NCALD: variants seen among roughly 807,000 people sequenced by gnomAD.
NCALD encodes the protein neurocalcin delta.
NCALD carries 10 observed loss-of-function variants against 18.6 expected under a neutral mutation model. The ratio of observed to expected loss-of-function variants is 0.54; its 90% CI spans 0.33 to 0.91. NCALD has a LOEUF of 0.91. NCALD is among the 40% of genes least tolerant of loss of function. The pLI, the probability that NCALD is intolerant of heterozygous loss-of-function variation, is 0.03. For missense variants in NCALD, 184 were observed against 247.6 expected (o/e 0.74, Z 1.72); for synonymous variants, 88 against 87.4 (o/e 1.01, Z -0.04).
intron 1 of NCALD, among the ~76,000 whole-genome samples, chr8:102,120,442 C>T (rs1426835918): frequency 1.3e-5 from 2 of 152,170 alleles, no homozygotes; most frequent in African/African-American, 4.8e-5. Flanking sequence ...TGGAGACTTC[C>T]ACTTTCTGGC....
At chr8:101,752,663 G>T (rs915705132) in intron 1 of NCALD, among the ~76,000 whole-genome samples, 2 of 152,188 alleles carry the variant, frequency 1.3e-5, no homozygotes, top group Non-Finnish European at 2.9e-5. Context: ...GTTTGGACTA[G>T]GTTCCAATGC....
At chr8:101,950,810 A>G (rs1436793378) in intron 2 of NCALD, among the ~76,000 whole-genome samples, 2 of 152,200 alleles carry the variant, frequency 1.3e-5, no homozygotes, top group Admixed American at 6.5e-5. Flanking sequence ...TCCAAGCCCA[A>G]CCAAGCTCAG....
At chr8:102,090,760 T>C (rs1477029392) in intron 1 of NCALD, among the ~76,000 whole-genome samples, 1 of 152,180 alleles carries the variant, frequency 6.6e-6, no homozygotes, top group African/African-American at 2.4e-5. Flanking sequence ...TGGAAACTAG[T>C]TGTGAGTATT....
At chr8:101,777,712 C>G (rs1436857402) in intron 1 of NCALD, among the ~76,000 whole-genome samples, 1 of 152,158 alleles carries the variant, frequency 6.6e-6, no homozygotes, top group Admixed American at 6.5e-5. Context: ...AGATGGCAGA[C>G]TAGACATGAC....
chr8:102,050,827 A>G (rs1298768249), intron 1 of NCALD, among the ~76,000 whole-genome samples: 3 of 145,800 alleles, frequency 2.1e-5, no homozygotes, highest in Non-Finnish European at 3.0e-5. Flanking sequence ...TTTTAATTTA[A>G]TTAATTTAAT....
At chr8:101,833,205 G>A (rs1313115110) in intron 4 of NCALD, among the ~76,000 whole-genome samples, 1 of 152,048 alleles carries the variant, frequency 6.6e-6, no homozygotes. Context: ...AGATCACCTC[G>A]GGATCTTGGT....
chr8:101,870,297 C>T (rs1772302528), intron 4 of NCALD, among the ~76,000 whole-genome samples: 1 of 152,100 alleles, frequency 6.6e-6, no homozygotes. Flanking sequence ...AGAGAATGGA[C>T]AGAACAAATA....
At chr8:101,866,711 A>G (rs1331825850) in intron 4 of NCALD, among the ~76,000 whole-genome samples, 3 of 152,192 alleles carry the variant, frequency 2.0e-5, no homozygotes, top group African/African-American at 7.2e-5. Context: ...AAACTGATCC[A>G]GAATCCAACC....
intron 3 of NCALD, among the ~76,000 whole-genome samples, chr8:101,888,163 C>A (rs1460220369): frequency 6.6e-6 from 1 of 152,022 alleles, no homozygotes; most frequent in Non-Finnish European, 1.5e-5. Flanking sequence ...TAGGGTCAAT[C>A]CAAACAAACA....
Position 101,914,535 on chromosome 8 carries a change from C to G in NCALD, c.-107+1274G>C, listed in dbSNP as rs997150254. ...CCCCAGGGAGGGTTATGCTTTACCC[C>G]CTGAAAGGCAGAGTATCTTACATAC... On this transcript the variant is annotated intron_variant, in intron 3 of 6. Transcript: ENST00000311028. 3.9e-4 allele frequency among the ~76,000 whole-genome samples: 60 copies of G among 152,144 alleles called. 2 individuals are homozygous for G. The highest frequency in any genetic ancestry group is 3.9e-3 in the Admixed American group (59 of 15,270).
chr8:102,083,513 C>A (rs1023472678), intron 1 of NCALD, among the ~76,000 whole-genome samples: 11 of 152,102 alleles, frequency 7.2e-5, no homozygotes, highest in Non-Finnish European at 1.5e-4. Flanking sequence ...TTCCTTTATT[C>A]TTTTTATCTT....
intron 1 of NCALD, among the ~76,000 whole-genome samples, chr8:101,743,465 T>C (rs1209561378): frequency 6.6e-6 from 1 of 152,208 alleles, no homozygotes; most frequent in African/African-American, 2.4e-5. Context: ...CACTATGAGA[T>C]TGGGTTAAGG....
intron 4 of NCALD, among the ~76,000 whole-genome samples, chr8:101,884,877 G>A (rs927248731): frequency 3.9e-5 from 6 of 152,042 alleles, no homozygotes; most frequent in East Asian, 3.9e-4. Flanking sequence ...TTGGTGTCTC[G>A]TGCTCTCAGC....
At chr8:102,045,834 T>C (rs912127560) in intron 1 of NCALD, among the ~76,000 whole-genome samples, 1 of 152,204 alleles carries the variant, frequency 6.6e-6, no homozygotes, top group Non-Finnish European at 1.5e-5. Context: ...TAATCACCAA[T>C]TGGTTGCCAC....
At chr8:101,807,251 TTTC>T (rs777694696) in intron 4 of NCALD, among the ~76,000 whole-genome samples, 1 of 152,136 alleles carries the variant, frequency 6.6e-6, no homozygotes, top group Non-Finnish European at 1.5e-5. Flanking sequence ...CAAATGCATA[TTTC>T]TTCTTCTTTC....
chr8:101,974,994 C>T (rs960223165), intron 2 of NCALD, among the ~76,000 whole-genome samples: 1 of 152,200 alleles, frequency 6.6e-6, no homozygotes, highest in Non-Finnish European at 1.5e-5. Flanking sequence ...TTGAGCAAGA[C>T]AGAACCTTAG....
intron 3 of NCALD, among the ~76,000 whole-genome samples, chr8:101,893,616 C>T (rs1233193585): frequency 1.6e-5 from 2 of 121,856 alleles, no homozygotes; most frequent in Admixed American, 1.7e-4. Context: ...ATTCAGGAAA[C>T]CCATCTCACG....
chr8:101,988,325 C>T (rs4734049), intron 2 of NCALD, among the ~76,000 whole-genome samples: 23,027 of 151,942 alleles, frequency 0.15, 2,349 homozygotes, highest in African/African-American at 0.29. Flanking sequence ...TGCATGTATG[C>T]GTGCATGTAT....
intron 4 of NCALD, among the ~76,000 whole-genome samples, chr8:101,878,875 G>A (rs902200665): frequency 6.6e-6 from 1 of 152,140 alleles, no homozygotes; most frequent in Non-Finnish European, 1.5e-5. Flanking sequence ...TTATGCGACG[G>A]TCAATGCCAT....
Sources: gnomAD v4.1 joint callset for allele counts (sites outside exome capture counted in the v4.1 genomes callset) on GRCh38, gnomAD v4.1.1 for gene constraint, MANE v1.5 for transcripts, NCBI Gene and HGNC (gene_info 2026-07-23, HGNC 2026-07-21) for gene names.